The following SYNDIG1 variants were observed in gnomAD, a reference collection of about 807,000 sequenced individuals.
The protein encoded by SYNDIG1 is synapse differentiation-inducing gene protein 1.
Under a neutral mutation model 19.4 loss-of-function variants are expected in SYNDIG1, and 9 were observed. The observed-to-expected ratio is 0.46, with a 90% CI of 0.28 to 0.81. The LOEUF (loss-of-function observed/expected upper bound fraction) is 0.81, where lower values mean the gene tolerates loss of function less well. Among genes scored for constraint, SYNDIG1 ranks in the 30% least tolerant of loss-of-function variants. SYNDIG1 has a pLI of 0.12. For synonymous variants in SYNDIG1, 141 were observed against 145.9 expected (o/e 0.97, Z 0.24); for missense variants, 311 against 343.3 (o/e 0.91, Z 0.74).
intron 3 of SYNDIG1, among the ~76,000 whole-genome samples, chr20:24,590,036 C>A (rs1447840134): frequency 6.6e-6 from 1 of 152,234 alleles, no homozygotes; most frequent in Non-Finnish European, 1.5e-5. Flanking sequence ...CTCTTCCTTG[C>A]AATGTCAGCT....
intron 1 of SYNDIG1, among the ~76,000 whole-genome samples, chr20:24,517,493 C>T (rs533673457): frequency 2.1e-4 from 32 of 149,100 alleles, no homozygotes; most frequent in African/African-American, 7.1e-4. Flanking sequence ...TTTGCAGGCT[C>T]CTGTAGTCCC....
At chr20:24,655,023 G>A (rs1164476085) in intron 3 of SYNDIG1, among the ~76,000 whole-genome samples, 1 of 152,198 alleles carries the variant, frequency 6.6e-6, no homozygotes, top group Non-Finnish European at 1.5e-5. Context: ...CTTCCGCGGT[G>A]TGTGTTGCAG....
rs932193367 is a variant in SYNDIG1 at position 24,665,637 on chromosome 20, A to T, written c.*133A>T. 11 of 1,325,302 alleles carry T rather than the reference A, an allele frequency of 8.3e-6. No homozygotes were observed. Among genetic ancestry groups the T allele is most frequent in the Non-Finnish European group, 1.1e-5 (11 of 968,258 alleles). 82.1% of individuals were successfully genotyped at this position (1,325,302 alleles called of 1,614,324 possible). On this transcript the variant is annotated 3_prime_UTR_variant, in exon 4 of 4. Coordinates refer to ENST00000376862, the MANE Select transcript of SYNDIG1 (RefSeq NM_024893.3). ...CACGAAGCCCTGGGATTTCCTACCC[A>T]TGGATTTATTTTGTTTTTATCCTTT...
At chr20:24,577,724 T>C (rs1311116163) in intron 2 of SYNDIG1, among the ~76,000 whole-genome samples, 1 of 152,342 alleles carries the variant, frequency 6.6e-6, no homozygotes, top group Non-Finnish European at 1.5e-5. Context: ...TCAGTTGCCC[T>C]GGAGCCACCA....
At chr20:24,471,516 C>G (rs1181065296) in intron 1 of SYNDIG1, among the ~76,000 whole-genome samples, 1 of 150,724 alleles carries the variant, frequency 6.6e-6, no homozygotes, top group Non-Finnish European at 1.5e-5. Flanking sequence ...AAGGAGCAAG[C>G]CTGACAGTAG....
At chr20:24,659,661 G>A (rs1044348369) in intron 3 of SYNDIG1, among the ~76,000 whole-genome samples, 1 of 152,170 alleles carries the variant, frequency 6.6e-6, no homozygotes, top group African/African-American at 2.4e-5. Context: ...CAGAGAGAAG[G>A]CAAAATCAGG....
chr20:24,504,765 A>T (rs1033673461), intron 1 of SYNDIG1, among the ~76,000 whole-genome samples: 5 of 152,210 alleles, frequency 3.3e-5, no homozygotes, highest in Admixed American at 3.3e-4. Context: ...GGGTTGGCAT[A>T]TGCTGGCTCT....
chr20:24,632,424 G>A (rs1285719725), intron 3 of SYNDIG1, among the ~76,000 whole-genome samples: 2 of 152,096 alleles, frequency 1.3e-5, no homozygotes, highest in East Asian at 3.9e-4. Context: ...ATTTTCAGTA[G>A]AGATGGGGTT....
chr20:24,636,645 T>C (rs1568707790), intron 3 of SYNDIG1, among the ~76,000 whole-genome samples: 1 of 152,196 alleles, frequency 6.6e-6, no homozygotes, highest in Admixed American at 6.5e-5. Flanking sequence ...AAGGAGATGA[T>C]GGAGTGCCAT....
At chr20:24,549,252 C>T (rs1177608935) in intron 2 of SYNDIG1, among the ~76,000 whole-genome samples, 1 of 152,146 alleles carries the variant, frequency 6.6e-6, no homozygotes, top group African/African-American at 2.4e-5. Flanking sequence ...TACTATTCTT[C>T]CTTCTACTTT....
chr20:24,663,536 T>TC (rs1159473913), intron 3 of SYNDIG1, among the ~76,000 whole-genome samples: 1 of 151,688 alleles, frequency 6.6e-6, no homozygotes, highest in African/African-American at 2.4e-5. Context: ...ATTCCTCCTG[T>TC]CCCCCCAGAG....
intron 3 of SYNDIG1, among the ~76,000 whole-genome samples, chr20:24,647,457 T>A (rs1221444292): frequency 6.6e-6 from 1 of 151,986 alleles, no homozygotes; most frequent in Non-Finnish European, 1.5e-5. Flanking sequence ...TATACGAACA[T>A]CCTCTTTGAG....
chr20:24,587,263 A>T (rs1416609502), intron 3 of SYNDIG1, among the ~76,000 whole-genome samples: 1 of 152,172 alleles, frequency 6.6e-6, no homozygotes, highest in East Asian at 1.9e-4. Context: ...TGCTTTGAGA[A>T]TGTATTTCCC....
chr20:24,599,646 T>G (rs1389496054), intron 3 of SYNDIG1, among the ~76,000 whole-genome samples: 1 of 152,218 alleles, frequency 6.6e-6, no homozygotes, highest in South Asian at 2.1e-4. Flanking sequence ...GGAATACGAT[T>G]TGGCCATAAC....
intron 1 of SYNDIG1, among the ~76,000 whole-genome samples, chr20:24,535,422 A>G (rs967843894): frequency 6.6e-6 from 1 of 152,266 alleles, no homozygotes; most frequent in Non-Finnish European, 1.5e-5. Flanking sequence ...AAGAAAAGCT[A>G]CTAGCGTTCA....
At chr20:24,535,027 C>T (rs1217273546) in intron 1 of SYNDIG1, among the ~76,000 whole-genome samples, 1 of 152,200 alleles carries the variant, frequency 6.6e-6, no homozygotes, top group East Asian at 1.9e-4. Flanking sequence ...ATGATTGTCA[C>T]TTGGTGTGGG....
intron 3 of SYNDIG1, among the ~76,000 whole-genome samples, chr20:24,627,630 G>C (rs979958810): frequency 1.1e-4 from 16 of 152,254 alleles, no homozygotes; most frequent in Non-Finnish European, 1.8e-4. Context: ...GCCTTCCCCG[G>C]TTCCCGGGAC....
At chr20:24,653,654 T>G (rs1056449696) in intron 3 of SYNDIG1, among the ~76,000 whole-genome samples, 1 of 152,214 alleles carries the variant, frequency 6.6e-6, no homozygotes, top group Non-Finnish European at 1.5e-5. Flanking sequence ...GATTTATCCC[T>G]GGAGAAACTG....
At chr20:24,560,829 A>T (rs1600630382) in intron 2 of SYNDIG1, among the ~76,000 whole-genome samples, 2 of 145,070 alleles carry the variant, frequency 1.4e-5, no homozygotes, top group African/African-American at 2.5e-5. Context: ...CAGGATTCTG[A>T]TTTTTACCCC....
Sources: gnomAD v4.1 joint callset for allele counts (sites outside exome capture counted in the v4.1 genomes callset) on GRCh38, gnomAD v4.1.1 for gene constraint, MANE v1.5 for transcripts, NCBI Gene and HGNC (gene_info 2026-07-23, HGNC 2026-07-21) for gene names.